Variants in RNF128 observed in about 807,000 individuals in gnomAD.
The protein encoded by RNF128 is E3 ubiquitin-protein ligase RNF128.
A neutral mutation model predicts 26.2 loss-of-function variants in RNF128; 13 were observed. The ratio of observed to expected loss-of-function variants is 0.50; its 90% CI spans 0.32 to 0.79. The LOEUF is 0.79. Ranked by LOEUF, RNF128 falls within the 30% of genes least tolerant of loss-of-function variation. The pLI is 0.03. For synonymous variants in RNF128, 149 were observed against 142.5 expected, an observed-to-expected ratio of 1.05 and a Z score of -0.32; for missense variants, 315 against 349.7, an observed-to-expected ratio of 0.90 and a Z score of 0.79.
intron 1 of RNF128, chrX:106,694,528 C>T: frequency 2.3e-6 from 1 of 435,461 alleles, no homozygotes; most frequent in Non-Finnish European, 3.6e-6. Context: ...TTTAAATTTT[C>T]TTGCCTGGCA....
At position 106,770,093 on chromosome X, in the gene RNF128, A is replaced by T. The variant is rs183657984; in HGVS notation, c.485-2820A>T. Among the ~76,000 whole-genome samples, 937 of 112,094 alleles carry T rather than the reference A, an allele frequency of 8.4e-3. 13 individuals are homozygous for T. The highest frequency in any genetic ancestry group is 0.032 in the Middle Eastern group (7 of 218). On this transcript the variant is annotated intron_variant, in intron 1 of 6. Transcript: ENST00000255499. Reference sequence around the variant, plus strand: ...TGGCCCCGACTCTCTTCTGATTTGTAGAGTTTCTGCCGAGAGATCCGCTGT... The same window carrying T: ...TGGCCCCGACTCTCTTCTGATTTGTTGAGTTTCTGCCGAGAGATCCGCTGT...
chrX:106,768,365 G>C (rs1930293433), intron 1 of RNF128, among the ~76,000 whole-genome samples: 1 of 111,018 alleles, frequency 9.0e-6, no homozygotes, highest in Non-Finnish European at 1.9e-5. Context: ...TTGGTTGGTA[G>C]GCTATTATTT....
intron 2 of RNF128, among the ~76,000 whole-genome samples, chrX:106,774,984 C>A (rs1602388130): frequency 9.0e-6 from 1 of 111,636 alleles, no homozygotes; most frequent in South Asian, 3.7e-4. Context: ...ATTATAAAAA[C>A]TTCATAAAGA....
At chrX:106,753,859 G>A (rs1378533374) in intron 1 of RNF128, among the ~76,000 whole-genome samples, 1 of 111,997 alleles carries the variant, frequency 8.9e-6, no homozygotes, top group Non-Finnish European at 1.9e-5. Context: ...GATAAAGAAG[G>A]TCATTATATA....
chrX:106,706,396 CA>C (rs923931577), intron 1 of RNF128, among the ~76,000 whole-genome samples: 19 of 104,124 alleles, frequency 1.8e-4, no homozygotes, highest in South Asian at 8.1e-4. Context: ...GAAAAAAAAA[CA>C]AAAAAAAACA....
chrX:106,708,587 T>C (rs973659797), intron 1 of RNF128, among the ~76,000 whole-genome samples: 4 of 111,990 alleles, frequency 3.6e-5, no homozygotes, highest in African/African-American at 1.3e-4. Flanking sequence ...ATTAAGTGCT[T>C]TCAGAGAAAG....
chrX:106,783,327 G>T (rs1311941795), intron 2 of RNF128, among the ~76,000 whole-genome samples: 1 of 111,431 alleles, frequency 9.0e-6, no homozygotes, highest in African/African-American at 3.3e-5. Context: ...ACAAATATTT[G>T]TAGCATTTGT....
rs981047859 is a variant in RNF128 at position 106,739,591 on chromosome X, T to C, written c.484+12194T>C. Among the ~76,000 whole-genome samples, 4 of 112,236 alleles carry C rather than the reference T, an allele frequency of 3.6e-5. No individual in the cohort carries two copies. The Admixed American group carries it at 3.8e-4, about 11-fold the overall frequency. ...TTTTTTGTACTAATATGGTAGCTTT[T>C]ATATCAGGTTTATGTGGCTTTAAAG... On this transcript the variant is annotated intron_variant, in intron 1 of 6. Transcript: ENST00000255499.
upstream of RNF128, among the ~76,000 whole-genome samples, chrX:106,721,920 T>C (rs1305651601): frequency 8.9e-6 from 1 of 111,773 alleles, no homozygotes; most frequent in African/African-American, 3.3e-5. Flanking sequence ...TTAAATGAGA[T>C]AATGCATGTA....
At chrX:106,741,901 T>C (rs371502158) in intron 1 of RNF128, among the ~76,000 whole-genome samples, 3 of 112,124 alleles carry the variant, frequency 2.7e-5, no homozygotes, top group African/African-American at 9.7e-5. Flanking sequence ...GTAGATAGTG[T>C]AAAAGCAGGA....
At chrX:106,747,002 C>T (rs1188280970) in intron 1 of RNF128, among the ~76,000 whole-genome samples, 1 of 111,090 alleles carries the variant, frequency 9.0e-6, no homozygotes, top group African/African-American at 3.3e-5. Flanking sequence ...TAATAAGGGT[C>T]CAGATTAACT....
At chrX:106,716,955 C>A (rs1209279203) in intron 1 of RNF128, among the ~76,000 whole-genome samples, 5 of 110,988 alleles carry the variant, frequency 4.5e-5, no homozygotes, top group Non-Finnish European at 9.4e-5. Context: ...GTAATCCCAG[C>A]ACTTTGGGAG....
rs1930906913 is a variant in RNF128 at position 106,795,822 on chromosome X, A to C, written c.*109A>C. 2 of 650,684 alleles carry C rather than the reference A, an allele frequency of 3.1e-6. No individual in the cohort carries two copies. Among genetic ancestry groups the C allele is most frequent in the Non-Finnish European group, 4.4e-6 (2 of 451,435 alleles). The allele number at this position is 650,684 out of a possible 1,213,427, so 53.6% of individuals were successfully genotyped here. A position where few individuals can be genotyped will look rare whatever the true frequency, so the allele number is the denominator to read the frequency against. On this transcript the variant is annotated 3_prime_UTR_variant, in exon 7 of 7. Coordinates refer to ENST00000255499, the MANE Select transcript of RNF128 (RefSeq NM_194463.2). ...ATTTAATAAAATAAGAGTGATACTG[A>C]AAGTGCTCAGATGACTAATATTATG...
chrX:106,783,358 T>C (rs1930596857), intron 2 of RNF128, among the ~76,000 whole-genome samples: 1 of 111,982 alleles, frequency 8.9e-6, no homozygotes, highest in Non-Finnish European at 1.9e-5. Context: ...TATTGGCAAG[T>C]ACCTGTTATG....
At position 106,796,691 on chromosome X, in the gene RNF128, G is replaced by A. The variant is rs1343968620; in HGVS notation, c.*978G>A. On this transcript the variant is annotated 3_prime_UTR_variant, in exon 7 of 7. Transcript: ENST00000255499. ...TAAATTTTGTGAATGCATTTTCCTG[G>A]TGTTTGAAAAAGAAGGGGGGGAGAA... 9.0e-6 allele frequency: 1 copy of A among 111,377 alleles called. No homozygotes were observed. The highest frequency in any genetic ancestry group is 3.3e-5 in the African/African-American group (1 of 30,584). The allele number at this position is 111,377 out of a possible 1,213,427, so 9.2% of individuals were successfully genotyped here. A position where few individuals can be genotyped will look rare whatever the true frequency, so the allele number is the denominator to read the frequency against.
At chrX:106,755,498 A>G (rs777517964) in intron 1 of RNF128, among the ~76,000 whole-genome samples, 4 of 111,411 alleles carry the variant, frequency 3.6e-5, no homozygotes, top group Admixed American at 9.6e-5. Flanking sequence ...TCTGATGAAC[A>G]TCAATGCAAA....
At chrX:106,700,156 G>A (rs1305592268) in intron 1 of RNF128, among the ~76,000 whole-genome samples, 1 of 108,519 alleles carries the variant, frequency 9.2e-6, no homozygotes, top group Non-Finnish European at 1.9e-5. Context: ...CCAAGTAGCT[G>A]GGACCACAGG....
intron 1 of RNF128, among the ~76,000 whole-genome samples, chrX:106,715,320 G>A (rs185543968): frequency 2.7e-5 from 3 of 111,799 alleles, no homozygotes; most frequent in Admixed American, 1.9e-4. Flanking sequence ...ACATCTTTTC[G>A]CGTGCTTATT....
chrX:106,746,390 G>A lies in RNF128; in HGVS notation c.484+18993G>A, dbSNP rs184146996. Among the ~76,000 whole-genome samples, 6 of 110,669 alleles carry A rather than the reference G, an allele frequency of 5.4e-5. No individual in the cohort carries two copies. The East Asian group carries it at 1.4e-3, about 26-fold the overall frequency. On this transcript the variant is annotated intron_variant, in intron 1 of 6. Transcript: ENST00000255499. Reference sequence around the variant, plus strand: ...TAGAATTTATTTTACATTTTAACACGTTAATATTAAATGTGGGGAAAAAAA... The same window carrying A: ...TAGAATTTATTTTACATTTTAACACATTAATATTAAATGTGGGGAAAAAAA...
Sources: gnomAD v4.1 joint callset for allele counts (sites outside exome capture counted in the v4.1 genomes callset) on GRCh38, gnomAD v4.1.1 for gene constraint, MANE v1.5 for transcripts, NCBI Gene and HGNC (gene_info 2026-07-23, HGNC 2026-07-21) for gene names.